ARSL: variants seen among roughly 807,000 people sequenced by gnomAD.
ARSL encodes the protein arylsulfatase L.
A neutral mutation model predicts 31.1 loss-of-function variants in ARSL; 4 were observed. That is an observed-to-expected ratio of 0.13 (90% confidence interval 0.06 to 0.29). The LOEUF is 0.29. Ranked by LOEUF, ARSL falls within the 10% of genes least tolerant of loss-of-function variation. ARSL has a pLI of 1.00. For synonymous variants in ARSL, 198 were observed against 209.9 expected (o/e 0.94, Z 0.49); for missense variants, 312 against 497.8 (o/e 0.63, Z 3.55).
chrX:2,944,316 T>G (rs1280159706), intron 7 of ARSL, among the ~76,000 whole-genome samples: 4 of 108,665 alleles, frequency 3.7e-5, no homozygotes, highest in Non-Finnish European at 7.6e-5. Context: ...TAGCCAGGCA[T>G]GGTGGCGGGT....
intron 1 of ARSL, among the ~76,000 whole-genome samples, chrX:2,961,225 C>A (rs965499373): frequency 9.0e-6 from 1 of 111,080 alleles, no homozygotes; most frequent in African/African-American, 3.3e-5. Flanking sequence ...AGAGGGGCGG[C>A]CCCTCAGTCT....
intron 8 of ARSL, among the ~76,000 whole-genome samples, chrX:2,941,286 G>A (rs1441374967): frequency 3.3e-5 from 3 of 91,919 alleles, no homozygotes; most frequent in African/African-American, 1.3e-4. Flanking sequence ...ATGGAGTTTC[G>A]CTTTGTCGCC....
At chrX:2,949,772 A>G in intron 5 of ARSL, 45 bp from the exon 6 acceptor site, 1 of 1,161,411 alleles carries the variant, frequency 8.6e-7, no homozygotes, top group Non-Finnish European at 1.2e-6. Flanking sequence ...TCTGAGCATA[A>G]CTGGACATGT....
Position 2,962,520 on chromosome X carries a change from T to C in ARSL, c.-21+1704A>G, listed in dbSNP as rs748759041. On this transcript the variant is annotated intron_variant, in intron 1 of 10. Transcript: ENST00000381134. ...AAACCTGACCAAGGATAGACACAGCTGGTGTGGGAGCGGGGAGGGCAGAGA... is the reference window on the plus strand; with the variant it reads ...AAACCTGACCAAGGATAGACACAGCCGGTGTGGGAGCGGGGAGGGCAGAGA... 3.7e-5 allele frequency among the ~76,000 whole-genome samples: 4 copies of C among 107,000 alleles called. No homozygotes were observed. In the South Asian group the frequency reaches 1.7e-3, roughly 47 times the overall value. 92.9% of individuals were successfully genotyped at this position (107,000 alleles called of 115,157 possible).
At chrX:2,957,900 G>A (rs2089548722) in intron 3 of ARSL, among the ~76,000 whole-genome samples, 1 of 109,825 alleles carries the variant, frequency 9.1e-6, no homozygotes, top group East Asian at 2.8e-4. Context: ...GGCACCTGCA[G>A]TCCCAGAATT....
At chrX:2,966,154 G>A (rs1490328209), upstream of ARSL, among the ~76,000 whole-genome samples, 4 of 111,837 alleles carry the variant, frequency 3.6e-5, no homozygotes, top group Admixed American at 3.8e-4. Context: ...TTATGTGGGG[G>A]TGGAAACCAC....
chrX:2,966,542 G>A (rs1257903192), upstream of ARSL, among the ~76,000 whole-genome samples: 4 of 106,326 alleles, frequency 3.8e-5, no homozygotes, highest in Admixed American at 1.0e-4. Context: ...TAGGGAGGCC[G>A]AGGTGGGAGG....
intron 8 of ARSL, among the ~76,000 whole-genome samples, chrX:2,940,303 C>CA (rs773576112): frequency 3.2e-4 from 36 of 111,042 alleles, no homozygotes; most frequent in African/African-American, 1.1e-3. Context: ...TAAGTAAAAA[C>CA]AAAAAAACTC....
intron 1 of ARSL, among the ~76,000 whole-genome samples, chrX:2,962,047 A>G (rs1032195297): frequency 7.3e-5 from 8 of 110,219 alleles, no homozygotes; most frequent in African/African-American, 2.6e-4. Context: ...ATTGTCAACC[A>G]GGAAATGTTT....
At chrX:2,939,588 T>C (rs762155438) in intron 8 of ARSL, among the ~76,000 whole-genome samples, 1 of 111,355 alleles carries the variant, frequency 9.0e-6, no homozygotes, top group Non-Finnish European at 1.9e-5. Context: ...TATCCCGTTT[T>C]ACATATGTAC....
chrX:2,957,822 C>T (rs2089547441), intron 3 of ARSL, among the ~76,000 whole-genome samples: 1 of 109,572 alleles, frequency 9.1e-6, no homozygotes, highest in South Asian at 3.9e-4. Context: ...AAGTTCGAGA[C>T]GAGGCTGGGC....
intron 8 of ARSL, among the ~76,000 whole-genome samples, chrX:2,939,951 A>G (rs760646179): frequency 3.0e-5 from 3 of 99,541 alleles, no homozygotes; most frequent in Non-Finnish European, 6.0e-5. Flanking sequence ...GCTGACTGCA[A>G]CCTTCACCTC....
At chrX:2,943,792 T>C (rs1396368892) in intron 7 of ARSL, among the ~76,000 whole-genome samples, 7 of 96,940 alleles carry the variant, frequency 7.2e-5, no homozygotes, top group African/African-American at 2.8e-4. Flanking sequence ...TGAATATTCC[T>C]GAGAAGAAAG....
intron 3 of ARSL, 139 bp downstream of exon 3, chrX:2,958,135 G>A: frequency 1.2e-6 from 1 of 823,161 alleles, no homozygotes; most frequent in Non-Finnish European, 1.7e-6. Flanking sequence ...GTAACATTAG[G>A]GAGAGTTAGA....
At chrX:2,954,123 C>T (rs1003101281) in intron 4 of ARSL, among the ~76,000 whole-genome samples, 12 of 110,984 alleles carry the variant, frequency 1.1e-4, no homozygotes, top group South Asian at 3.9e-4. Flanking sequence ...AATATTCTGA[C>T]GCCTGGTTAT....
At chrX:2,958,485 G>A (rs1340774492) in intron 2 of ARSL, 50 bp from the exon 3 acceptor site, 5 of 1,178,735 alleles carry the variant, frequency 4.2e-6, no homozygotes, top group African/African-American at 1.8e-5. Flanking sequence ...CAGAACTTGT[G>A]TATGGGGGAA....
chrX:2,935,599 C>G (rs1289488364), intron 10 of ARSL, among the ~76,000 whole-genome samples: 17 of 111,547 alleles, frequency 1.5e-4, no homozygotes, highest in African/African-American at 5.5e-4. Flanking sequence ...TGTTCTGGAG[C>G]TACATAGACG....
chrX:2,960,762 G>A (rs1397866182), intron 1 of ARSL, among the ~76,000 whole-genome samples: 4 of 111,345 alleles, frequency 3.6e-5, no homozygotes, highest in East Asian at 5.7e-4. Flanking sequence ...CCCAGTGTCC[G>A]GAAGCAGATT....
intron 7 of ARSL, 89 bp from the exon 8 acceptor site, chrX:2,943,288 A>G (rs2089307168): frequency 1.8e-6 from 2 of 1,088,053 alleles, no homozygotes; most frequent in South Asian, 3.9e-5. Context: ...TTCGGGGGCT[A>G]GCCACAAGAA....
Sources: gnomAD v4.1 joint callset for allele counts (sites outside exome capture counted in the v4.1 genomes callset) on GRCh38, gnomAD v4.1.1 for gene constraint, MANE v1.5 for transcripts, NCBI Gene and HGNC (gene_info 2026-07-23, HGNC 2026-07-21) for gene names.